ADAMTS16: variants seen among roughly 807,000 people sequenced by gnomAD.
ADAMTS16 encodes the protein ADAM metallopeptidase with thrombospondin type 1 motif 16.
A neutral mutation model predicts 145.8 loss-of-function variants in ADAMTS16; 94 were observed. The ratio of observed to expected loss-of-function variants is 0.64; its 90% CI spans 0.55 to 0.77. The LOEUF (loss-of-function observed/expected upper bound fraction) is 0.77, where lower values mean the gene tolerates loss of function less well. Among genes scored for constraint, ADAMTS16 ranks in the 30% least tolerant of loss-of-function variants. The probability of loss-of-function intolerance (pLI) is 0.00; values close to 1 mark genes in which losing one functional copy is unlikely to be tolerated. For missense variants in ADAMTS16, 1,585 were observed against 1,591.5 expected, an observed-to-expected ratio of 1.00 and a Z score of 0.07; for synonymous variants, 659 against 604.3, an observed-to-expected ratio of 1.09 and a Z score of -1.33.
At chr5:5,175,471 G>C (rs1028766879) in intron 3 of ADAMTS16, among the ~76,000 whole-genome samples, 4 of 152,140 alleles carry the variant, frequency 2.6e-5, no homozygotes, top group African/African-American at 9.7e-5. Context: ...TTCTGAAGCT[G>C]GGGGAGGGCT....
chr5:5,177,224 T>C (rs1056694693), intron 3 of ADAMTS16, among the ~76,000 whole-genome samples: 18 of 152,352 alleles, frequency 1.2e-4, no homozygotes, highest in Non-Finnish European at 2.1e-4. Context: ...AGATTCAGCT[T>C]TAACCAGAAA....
At chr5:5,242,650 C>G (rs2126392908) in intron 17 of ADAMTS16, among the ~76,000 whole-genome samples, 1 of 152,064 alleles carries the variant, frequency 6.6e-6, no homozygotes, top group South Asian at 2.1e-4. Context: ...TCAGATTTGT[C>G]CAGAAAATAA....
intron 18 of ADAMTS16, among the ~76,000 whole-genome samples, chr5:5,283,121 T>C (rs11134100): frequency 0.84 from 128,438 of 152,036 alleles, 54,728 homozygotes; most frequent in Non-Finnish European, 0.89. Context: ...ATCTCTTATT[T>C]ACCCCTGCCC....
chr5:5,160,391 T>C (rs1475996920), intron 3 of ADAMTS16, among the ~76,000 whole-genome samples: 3 of 152,296 alleles, frequency 2.0e-5, no homozygotes, highest in African/African-American at 7.2e-5. Flanking sequence ...TGGGAAATAG[T>C]GGTGGGCTCA....
rs753777455 is a variant in ADAMTS16 at position 5,235,197 on chromosome 5, A to T, written c.2023+11A>T. On this transcript the variant is annotated intron_variant, in intron 13 of 22. Transcript: ENST00000274181. ...ACACTCAAGTAGAAGGTAAATCTCA[A>T]ACTGCTTTCGGGTAATAGCCTCATG... is the stretch of plus-strand genomic sequence containing the variant. 6.4e-6 allele frequency: 10 copies of T among 1,554,894 alleles called. No homozygotes were observed. The highest frequency in any genetic ancestry group is 8.8e-6 in the Non-Finnish European group (10 of 1,139,024).
At chr5:5,230,555 C>A (rs895926725) in intron 11 of ADAMTS16, among the ~76,000 whole-genome samples, 1 of 152,030 alleles carries the variant, frequency 6.6e-6, no homozygotes, top group African/African-American at 2.4e-5. Context: ...TGAGACTGGA[C>A]GTGAGTTATT....
In ADAMTS16 at chr5:5,310,055, C is replaced by T. The variant is rs546895087; in HGVS notation, c.3411+3327C>T. On this transcript the variant is annotated intron_variant, in intron 21 of 22. Coordinates refer to ENST00000274181, the MANE Select transcript of ADAMTS16 (RefSeq NM_139056.4). This position sits in a 1 kb window ranked among gnomAD's most constrained non-coding sequence, Gnocchi z 4.3. ...GGGCAAAACCCACCATAGGCCACTCCGCAGGCAGAGGAGTGCAGAAATTAG... is the reference window on the plus strand; with the variant it reads ...GGGCAAAACCCACCATAGGCCACTCTGCAGGCAGAGGAGTGCAGAAATTAG... Among the ~76,000 whole-genome samples, 1 of 152,224 alleles carries T rather than the reference C, an allele frequency of 6.6e-6. No homozygotes were observed. Among genetic ancestry groups the T allele is most frequent in the East Asian group, 1.9e-4 (1 of 5,178 alleles).
At chr5:5,230,012 T>A (rs1736878066) in intron 11 of ADAMTS16, among the ~76,000 whole-genome samples, 1 of 152,190 alleles carries the variant, frequency 6.6e-6, no homozygotes, top group Non-Finnish European at 1.5e-5. Context: ...GCATTCTGTG[T>A]GCATATACAT....
intron 18 of ADAMTS16, among the ~76,000 whole-genome samples, chr5:5,274,792 T>G (rs1027075154): frequency 6.6e-5 from 10 of 152,234 alleles, no homozygotes; most frequent in African/African-American, 2.4e-4. Flanking sequence ...GGCAGAAAGA[T>G]ACCTTGTGAA....
intron 17 of ADAMTS16, among the ~76,000 whole-genome samples, chr5:5,259,428 T>C (rs151090825): frequency 7.5e-4 from 114 of 152,356 alleles, no homozygotes; most frequent in African/African-American, 2.6e-3. Context: ...GTAAAAAGTA[T>C]CTGAGACAGG....
chr5:5,268,560 G>T (rs746636), intron 18 of ADAMTS16, among the ~76,000 whole-genome samples: 122,577 of 152,122 alleles, frequency 0.81, 49,467 homozygotes, highest in Middle Eastern at 0.89. Context: ...GGTCTCTCAC[G>T]CCTGCCATCA....
chr5:5,146,627 C>T (rs1734305290), intron 3 of ADAMTS16, among the ~76,000 whole-genome samples, 172 bp downstream of exon 3: 1 of 152,192 alleles, frequency 6.6e-6, no homozygotes, highest in African/African-American at 2.4e-5. Flanking sequence ...TGCGTGCCTC[C>T]TCTGGCCTAT....
chr5:5,219,401 A>C (rs907191192), intron 10 of ADAMTS16, among the ~76,000 whole-genome samples: 6 of 151,982 alleles, frequency 3.9e-5, no homozygotes, highest in African/African-American at 1.5e-4. Flanking sequence ...CCTCCACTAC[A>C]CTTCTCAGCC....
intron 17 of ADAMTS16, among the ~76,000 whole-genome samples, chr5:5,257,760 G>A (rs975787176): frequency 6.6e-6 from 1 of 152,102 alleles, no homozygotes; most frequent in African/African-American, 2.4e-5. Flanking sequence ...TTCTGATACT[G>A]ACTACCTGGA....
chr5:5,252,350 TG>T (rs11304454), intron 17 of ADAMTS16, among the ~76,000 whole-genome samples: 146,945 of 152,216 alleles, frequency 0.97, 71,054 homozygotes, highest in Non-Finnish European at 1. Context: ...ATGATTGCCC[TG>T]GGGGGAAAAC....
intron 14 of ADAMTS16, among the ~76,000 whole-genome samples, chr5:5,238,458 A>C (rs1737180416): frequency 6.6e-6 from 1 of 152,178 alleles, no homozygotes; most frequent in Non-Finnish European, 1.5e-5. Context: ...TTTTAGACAT[A>C]GGTCTAAAAT....
intron 18 of ADAMTS16, among the ~76,000 whole-genome samples, chr5:5,279,360 C>T (rs538414019): frequency 1.3e-5 from 2 of 152,216 alleles, no homozygotes; most frequent in Non-Finnish European, 2.9e-5. Flanking sequence ...TCCACTGTGG[C>T]TACTGAGAAG....
At chr5:5,298,111 C>G (rs1212362746) in intron 18 of ADAMTS16, among the ~76,000 whole-genome samples, 3 of 152,208 alleles carry the variant, frequency 2.0e-5, no homozygotes, top group Admixed American at 6.5e-5. Flanking sequence ...CCCTGCCAGA[C>G]AGTGTCAGGA....
At chr5:5,232,953 G>A (rs1736981042) in intron 12 of ADAMTS16, among the ~76,000 whole-genome samples, 1 of 152,018 alleles carries the variant, frequency 6.6e-6, no homozygotes, top group African/African-American at 2.4e-5. Flanking sequence ...AAGAAGCACT[G>A]AATAGGAAAG....
Sources: gnomAD v4.1 joint callset for allele counts (sites outside exome capture counted in the v4.1 genomes callset) on GRCh38, gnomAD v4.1.1 for gene constraint, Gnocchi (gnomAD v3.1) non-coding constraint, MANE v1.5 for transcripts, NCBI Gene and HGNC (gene_info 2026-07-23, HGNC 2026-07-21) for gene names.